LRRC7: variants seen among roughly 807,000 people sequenced by gnomAD.
The protein encoded by LRRC7 is leucine rich repeat containing 7.
LRRC7 carries 23 observed loss-of-function variants against 175.7 expected under a neutral mutation model. The observed-to-expected ratio is 0.13, with a 90% confidence interval of 0.09 to 0.19. The LOEUF (loss-of-function observed/expected upper bound fraction) is 0.19. Ranked by LOEUF, LRRC7 falls within the 10% of genes least tolerant of loss-of-function variation. The probability of loss-of-function intolerance (pLI) is 1.00; values close to 1 mark genes in which losing one functional copy is unlikely to be tolerated. For missense variants in LRRC7, 1,354 were observed against 1,904.7 expected, an observed-to-expected ratio of 0.71 and a Z score of 5.38; for synonymous variants, 685 against 680.9, an observed-to-expected ratio of 1.01 and a Z score of -0.09.
intron 11 of LRRC7, among the ~76,000 whole-genome samples, chr1:70,005,492 A>G (rs1408027055): frequency 2.0e-5 from 3 of 152,192 alleles, no homozygotes; most frequent in Non-Finnish European, 4.4e-5. Context: ...TTTCCTATCC[A>G]AGAGCAACTC....
At chr1:70,006,628 C>T (rs994436701) in intron 11 of LRRC7, among the ~76,000 whole-genome samples, 2 of 152,130 alleles carry the variant, frequency 1.3e-5, no homozygotes, top group African/African-American at 4.8e-5. Context: ...GGGTGCCCTA[C>T]AGTTTAACTC....
chr1:69,770,483 A>T (rs1672110211), intron 3 of LRRC7, among the ~76,000 whole-genome samples: 1 of 152,294 alleles, frequency 6.6e-6, no homozygotes, highest in East Asian at 1.9e-4. Context: ...CATGGTTGTG[A>T]TTGTAGTTTC....
intron 4 of LRRC7, among the ~76,000 whole-genome samples, chr1:69,809,983 T>A (rs7540741): frequency 0.076 from 11,629 of 152,100 alleles, 468 homozygotes; most frequent in East Asian, 0.099. Flanking sequence ...ACTCAAATTA[T>A]CTCTTTTTGC....
In LRRC7 at chr1:70,128,022, C is replaced by T. The variant is rs1321748527; in HGVS notation, c.*6135C>T. ...TGTCACCCAGGCTGGAGTGCAGTAG[C>T]GCTATCTTGGCTCACTGTAACTTCC... On this transcript the variant is annotated 3_prime_UTR_variant, in exon 27 of 27. Transcript: ENST00000651989. 6.6e-6 allele frequency among the ~76,000 whole-genome samples: 1 copy of T among 151,944 alleles called. No individual in the cohort carries two copies. Among genetic ancestry groups the T allele is most frequent in the Admixed American group, 6.6e-5 (1 of 15,240 alleles).
rs550159392 is a variant in LRRC7 at position 70,018,457 on chromosome 1, G to T, written c.1321-262G>T. Among the ~76,000 whole-genome samples the T allele has an allele frequency of 2.0e-5, 3 of 152,110 alleles. No homozygotes were observed. The South Asian group carries it at 6.2e-4, about 32-fold the overall frequency. On this transcript the variant is annotated intron_variant, in intron 14 of 26. Transcript: ENST00000651989. The stretch of plus-strand genomic sequence containing the variant: ...ATTTAACACATTTTGAACTGTTCAG[G>T]ATTAAATCTGACATTGCCCAGTTGA...
intron 4 of LRRC7, among the ~76,000 whole-genome samples, chr1:69,813,559 T>A (rs1020760450): frequency 4.6e-5 from 7 of 152,208 alleles, no homozygotes; most frequent in African/African-American, 1.7e-4. Flanking sequence ...AAGAAGCATG[T>A]CTCATTTGCT....
chr1:69,770,992 G>C (rs906706941), intron 3 of LRRC7, among the ~76,000 whole-genome samples: 9 of 152,038 alleles, frequency 5.9e-5, no homozygotes, highest in Admixed American at 4.6e-4. Context: ...AACTAACAAG[G>C]CTGCATGATT....
intron 25 of LRRC7, among the ~76,000 whole-genome samples, chr1:70,105,054 T>C (rs906360838): frequency 6.6e-6 from 1 of 152,156 alleles, no homozygotes; most frequent in East Asian, 1.9e-4. Context: ...GAGACCCCAG[T>C]AGCAAAGGAG....
intron 2 of LRRC7, among the ~76,000 whole-genome samples, chr1:69,710,772 A>G (rs1450315022): frequency 1.3e-5 from 2 of 152,134 alleles, no homozygotes; most frequent in Non-Finnish European, 2.9e-5. Flanking sequence ...AGCACTTCTC[A>G]GATTATATTT....
intron 4 of LRRC7, among the ~76,000 whole-genome samples, chr1:69,800,228 C>T (rs182582553): frequency 1.3e-5 from 2 of 152,034 alleles, no homozygotes; most frequent in Admixed American, 1.3e-4. Context: ...TATTTAGGCT[C>T]TCTTTTAGTT....
At chr1:70,095,320 T>A (rs970876689) in intron 25 of LRRC7, among the ~76,000 whole-genome samples, 2 of 152,202 alleles carry the variant, frequency 1.3e-5, no homozygotes, top group African/African-American at 4.8e-5. Context: ...TTTATAAACA[T>A]AACTGATTAC....
Position 69,980,428 on chromosome 1 carries a change from A to G in LRRC7, c.761A>G (p.Asn254Ser). The change falls in exon 9 of 27, where the codon AAT becomes AGT. Residue 254 changes from asparagine (N) to serine (S), a missense_variant. Coordinates refer to ENST00000651989, the MANE Select transcript of LRRC7 (RefSeq NM_001370785.2). ...AATTTGAGGGAGTTATGGATGGATA[A>G]TAATGCATTACAAGTGTTACCTGGG... ...IQNLRELWMD[N>S]NALQVLPGSI... The G allele has an allele frequency of 6.2e-7, 1 of 1,612,494 alleles. No individual in the cohort carries two copies.
intron 24 of LRRC7, among the ~76,000 whole-genome samples, chr1:70,078,792 ACGCGCGCG>A (rs141606062): frequency 0.038 from 5,506 of 146,602 alleles, 301 homozygotes; most frequent in African/African-American, 0.12. Flanking sequence ...TTCTACATAT[ACGCGCGCG>A]CGCGCGCGCG....
chr1:69,590,907 T>TGAAAAAAGTTTAAAAAA (rs1553121881), intron 1 of LRRC7, among the ~76,000 whole-genome samples: 7 of 152,082 alleles, frequency 4.6e-5, no homozygotes, highest in African/African-American at 9.7e-5. Context: ...AAATAATTAA[T>TGAAAAAAGTTTAAAAAA]GTTGAAAAAA....
chr1:69,831,026 A>G (rs1680472148), intron 5 of LRRC7, among the ~76,000 whole-genome samples: 1 of 151,982 alleles, frequency 6.6e-6, no homozygotes, highest in South Asian at 2.1e-4. Context: ...AAAAAGAAGT[A>G]TATTTTTGAT....
chr1:69,753,800 G>A (rs533493378), intron 2 of LRRC7, among the ~76,000 whole-genome samples: 1 of 151,564 alleles, frequency 6.6e-6, no homozygotes, highest in African/African-American at 2.4e-5. Context: ...TTGATATTGA[G>A]TGAGTAATTA....
At chr1:69,813,334 T>C (rs1055263833) in intron 4 of LRRC7, among the ~76,000 whole-genome samples, 2 of 152,144 alleles carry the variant, frequency 1.3e-5, no homozygotes, top group South Asian at 4.1e-4. Flanking sequence ...GCAAAAAGAC[T>C]CAACCATACC....
At chr1:69,583,352 TAATTA>T (rs929171639) in intron 1 of LRRC7, among the ~76,000 whole-genome samples, 2 of 152,064 alleles carry the variant, frequency 1.3e-5, no homozygotes, top group Admixed American at 6.6e-5. Flanking sequence ...ATAATCTAAT[TAATTA>T]AATTCTTCAG....
At chr1:69,635,615 A>G (rs1653219415) in intron 1 of LRRC7, among the ~76,000 whole-genome samples, 1 of 152,092 alleles carries the variant, frequency 6.6e-6, no homozygotes, top group Admixed American at 6.6e-5. Flanking sequence ...TTTCCTGTTG[A>G]AATTTATTTT....
Sources: allele counts gnomAD v4.1 joint callset (sites outside exome capture counted in the v4.1 genomes callset), GRCh38; gene constraint gnomAD v4.1.1; transcripts MANE v1.5; gene names NCBI Gene and HGNC (gene_info 2026-07-23, HGNC 2026-07-21).